The following DLGAP1 variants were observed in gnomAD, a reference collection of about 807,000 sequenced individuals.
The protein encoded by DLGAP1 is disks large-associated protein 1.
Under a neutral mutation model 90.8 loss-of-function variants are expected in DLGAP1, and 11 were observed. The observed-to-expected ratio is 0.12, with a 90% CI of 0.08 to 0.20. The LOEUF (loss-of-function observed/expected upper bound fraction) is 0.20, where lower values mean the gene tolerates loss of function less well. DLGAP1 is among the 10% of genes least tolerant of loss of function. The pLI, the probability that DLGAP1 is intolerant of heterozygous loss-of-function variation, is 1.00. For synonymous variants in DLGAP1, 558 were observed against 540.7 expected (o/e 1.03, Z -0.44); for missense variants, 1,050 against 1,333.8 (o/e 0.79, Z 3.31).
At chr18:3,894,546 C>G (rs553857536) in intron 3 of DLGAP1, among the ~76,000 whole-genome samples, 1 of 152,250 alleles carries the variant, frequency 6.6e-6, no homozygotes, top group Admixed American at 6.5e-5. Flanking sequence ...TTCCATTGAT[C>G]TATTTTTATG....
intron 2 of DLGAP1, among the ~76,000 whole-genome samples, chr18:4,011,037 G>C (rs1157328735): frequency 6.6e-6 from 1 of 151,820 alleles, no homozygotes; most frequent in Non-Finnish European, 1.5e-5. Flanking sequence ...TTAGCCGGTC[G>C]TGGTAATGTG....
intron 3 of DLGAP1, among the ~76,000 whole-genome samples, chr18:3,900,970 A>G (rs1198423620): frequency 6.6e-6 from 1 of 152,064 alleles, no homozygotes; most frequent in African/African-American, 2.4e-5. Flanking sequence ...AAATCTGATC[A>G]TGTCCCTTCC....
chr18:3,787,960 C>T (rs1035915108), intron 5 of DLGAP1, among the ~76,000 whole-genome samples: 37 of 152,122 alleles, frequency 2.4e-4, no homozygotes, highest in Admixed American at 1.6e-3. Flanking sequence ...GGACTTATAT[C>T]ACAGGAAGAA....
chr18:4,325,737 C>G (rs888338307), intron 1 of DLGAP1, among the ~76,000 whole-genome samples: 1 of 152,014 alleles, frequency 6.6e-6, no homozygotes. Context: ...TGATCTTTGA[C>G]AAAGCTAACA....
chr18:4,410,515 T>C (rs1006632975), intron 1 of DLGAP1, among the ~76,000 whole-genome samples: 3 of 152,046 alleles, frequency 2.0e-5, no homozygotes, highest in African/African-American at 7.2e-5. Context: ...TTTCCAAACA[T>C]TAAAATGGAA....
Position 4,217,171 on chromosome 18 carries a change from G to A in DLGAP1, c.-266-65884C>T, listed in dbSNP as rs76064475. 1.3e-4 allele frequency among the ~76,000 whole-genome samples: 20 copies of A among 152,076 alleles called. No homozygotes were observed. In the East Asian group the frequency reaches 3.3e-3, roughly 25 times the overall value. ...TCTGGCTGCCTCCTTTCACTTAGCC[G>A]TATGTATGTAAGGGTCCCTGCACAT... is the stretch of plus-strand genomic sequence containing the variant. On this transcript the variant is annotated intron_variant, in intron 1 of 12. Coordinates refer to ENST00000315677, the MANE Select transcript of DLGAP1 (RefSeq NM_004746.4).
intron 10 of DLGAP1, among the ~76,000 whole-genome samples, chr18:3,512,088 T>C (rs1444892657): frequency 6.6e-6 from 1 of 151,998 alleles, no homozygotes; most frequent in African/African-American, 2.4e-5. Context: ...TACAGATTGT[T>C]CAACCCAGAT....
intron 2 of DLGAP1, among the ~76,000 whole-genome samples, chr18:4,128,692 C>T (rs974219500): frequency 2.0e-5 from 3 of 152,122 alleles, no homozygotes; most frequent in South Asian, 2.1e-4. Flanking sequence ...AAGGAGCATG[C>T]TATCAGCGAG....
intron 2 of DLGAP1, among the ~76,000 whole-genome samples, chr18:4,078,816 G>A (rs1474156157): frequency 1.3e-5 from 2 of 152,110 alleles, no homozygotes; most frequent in African/African-American, 4.8e-5. Flanking sequence ...TGAAACTTGA[G>A]GATTCTTAAG....
intron 3 of DLGAP1, among the ~76,000 whole-genome samples, chr18:3,920,351 C>CT (rs2072241499): frequency 1.7e-5 from 1 of 58,486 alleles, no homozygotes. Context: ...GAGACTCTGT[C>CT]CAAAAAAAAA....
intron 2 of DLGAP1, among the ~76,000 whole-genome samples, chr18:4,034,444 C>G (rs1315768830): frequency 6.6e-6 from 1 of 152,164 alleles, no homozygotes; most frequent in African/African-American, 2.4e-5. Flanking sequence ...AAAACCCACA[C>G]AAGTCACAAC....
At chr18:3,766,272 T>C (rs944928457) in intron 5 of DLGAP1, among the ~76,000 whole-genome samples, 5 of 152,112 alleles carry the variant, frequency 3.3e-5, no homozygotes, top group Admixed American at 2.0e-4. Context: ...GGTTAATTCA[T>C]CAGGAAGACA....
At chr18:3,557,414 C>T (rs189049624) in intron 9 of DLGAP1, among the ~76,000 whole-genome samples, 50 of 151,954 alleles carry the variant, frequency 3.3e-4, no homozygotes, top group African/African-American at 9.7e-4. Context: ...CCCATCTACT[C>T]GGGAGACTGA....
chr18:3,957,769 A>G (rs1204978733), intron 3 of DLGAP1, among the ~76,000 whole-genome samples: 1 of 152,040 alleles, frequency 6.6e-6, no homozygotes, highest in African/African-American at 2.4e-5. Context: ...AGGAATTTCT[A>G]TCTTAGTCAT....
chr18:4,114,614 T>G (rs1402092514), intron 2 of DLGAP1, among the ~76,000 whole-genome samples: 3 of 152,146 alleles, frequency 2.0e-5, no homozygotes, highest in African/African-American at 7.2e-5. Context: ...TTTTTTCGTG[T>G]CTGGTTGCTC....
chr18:3,923,841 A>G (rs922316249), intron 3 of DLGAP1, among the ~76,000 whole-genome samples: 1 of 152,204 alleles, frequency 6.6e-6, no homozygotes, highest in Non-Finnish European at 1.5e-5. Flanking sequence ...CACTTTTAGA[A>G]AGGAGAATCA....
intron 6 of DLGAP1, among the ~76,000 whole-genome samples, chr18:3,735,180 T>C (rs2062587639): frequency 6.6e-6 from 1 of 152,210 alleles, no homozygotes; most frequent in African/African-American, 2.4e-5. Context: ...AATACTTATC[T>C]CATAGGAGTA....
In DLGAP1 at chr18:3,534,417, G is replaced by A. The variant is rs1462220636; in HGVS notation, c.2256C>T (p.Ala752=). The change falls in exon 10 of 13, where the codon GCC becomes GCT. Residue 752 remains alanine (A), a synonymous_variant. Coordinates refer to ENST00000315677, the MANE Select transcript of DLGAP1 (RefSeq NM_004746.4). The part of the protein sequence containing the change: ...QGSGNHYHAC[A]ADDDFDTDFD... ...AATCCGTGTCAAAGTCATCATCGGC[G>A]GCACAGGCATGGTAATGGTTTCCTG... is the stretch of plus-strand genomic sequence containing the variant. 2.5e-6 allele frequency: 4 copies of A among 1,614,024 alleles called. No individual in the cohort carries two copies. Among genetic ancestry groups the A allele is most frequent in the East Asian group, 2.2e-5 (1 of 44,888 alleles).
In DLGAP1 at chr18:3,727,877, G is replaced by C. The variant is rs2062243457; in HGVS notation, c.1591+1258C>G. The C allele has an allele frequency of 6.6e-6, 1 of 152,110 alleles. No individual in the cohort carries two copies. The highest frequency in any genetic ancestry group is 6.6e-5 in the Admixed American group (1 of 15,260). The allele number at this position is 152,110 out of a possible 1,614,324, so 9.4% of individuals were successfully genotyped here. A position where few individuals can be genotyped will look rare whatever the true frequency, so the allele number is the denominator to read the frequency against. ...GGTCTGAGCTGCTGGGCTCCCTGCT[G>C]AGCTGCTTGGCCAACGCAAGGTCTG... On this transcript the variant is annotated intron_variant, in intron 7 of 12. Transcript: ENST00000315677. This position sits in a 1 kb window ranked among gnomAD's most constrained non-coding sequence, Gnocchi z 4.7.
Sources: allele counts gnomAD v4.1 joint callset (sites outside exome capture counted in the v4.1 genomes callset), GRCh38; gene constraint gnomAD v4.1.1; non-coding constraint Gnocchi (gnomAD v3.1); transcripts MANE v1.5; gene names NCBI Gene and HGNC (gene_info 2026-07-23, HGNC 2026-07-21).